Variants in MARF1 observed in about 807,000 individuals in gnomAD.
MARF1 encodes limkain-b1.
A neutral mutation model predicts 168.2 loss-of-function variants in MARF1; 24 were observed. The observed-to-expected ratio is 0.14, with a 90% CI of 0.10 to 0.20. MARF1 has a LOEUF of 0.20. Ranked by LOEUF, MARF1 falls within the 10% of genes least tolerant of loss-of-function variation. The pLI, the probability that MARF1 is intolerant of heterozygous loss-of-function variation, is 1.00. For synonymous variants in MARF1, 868 were observed against 822.4 expected (o/e 1.06, Z -0.95); for missense variants, 1,744 against 2,143.6 (o/e 0.81, Z 3.68).
chr16:15,611,077 A>G lies in MARF1; in HGVS notation c.3649T>C (p.Tyr1217His). Reference sequence around the variant, plus strand: ...ATGTCAATCAACTCACAAACACCATATTCAGTGACATCCCAGTCCTTTGAG... The same window carrying G: ...ATGTCAATCAACTCACAAACACCATGTTCAGTGACATCCCAGTCCTTTGAG... Reference protein sequence around the residue: ...CFSKDWDVTEYGVCELIDIVS... With the variant: ...CFSKDWDVTEHGVCELIDIVS... The change falls in exon 19 of 27, where the codon TAT (tyrosine) becomes CAT (histidine). Residue 1217 changes from tyrosine to histidine, a missense_variant. Physicochemically the swap from Tyr to His is moderately conservative, Grantham distance 83 (BLOSUM62 2). Transcript: ENST00000396368. 6.2e-7 allele frequency: 1 copy of G among 1,613,874 alleles called. No homozygotes were observed. Among genetic ancestry groups the G allele is most frequent in the Non-Finnish European group, 8.5e-7 (1 of 1,179,778 alleles).
intron 15 of MARF1, among the ~76,000 whole-genome samples, chr16:15,616,553 T>A (rs574113703): frequency 6.6e-6 from 1 of 152,336 alleles, no homozygotes; most frequent in African/African-American, 2.4e-5. Context: ...CTTGTTGAAG[T>A]ACTGAGTGAA....
At chr16:15,629,620 C>T (rs1035063626) in intron 7 of MARF1, among the ~76,000 whole-genome samples, 1 of 152,220 alleles carries the variant, frequency 6.6e-6, no homozygotes, top group Non-Finnish European at 1.5e-5. Context: ...TCCTGGATCA[C>T]CCACACCATG....
chr16:15,642,213 G>A (rs574065603), intron 1 of MARF1, among the ~76,000 whole-genome samples: 2 of 152,140 alleles, frequency 1.3e-5, no homozygotes, highest in African/African-American at 4.8e-5. Context: ...TCCCATTACC[G>A]TTTTCTCCCC....
chr16:15,635,673 C>G lies in MARF1; in HGVS notation c.814G>C (p.Glu272Gln). 2 of 1,613,778 alleles carry G rather than the reference C, an allele frequency of 1.2e-6. No homozygotes were observed. Among genetic ancestry groups the G allele is most frequent in the Non-Finnish European group, 1.7e-6 (2 of 1,179,890 alleles). ...ATACGAACCTTGTTTAGACAGTCTTCGCAGTAAAGTGAGCCCTTTAAACAA... is the reference window on the plus strand; with the variant it reads ...ATACGAACCTTGTTTAGACAGTCTTGGCAGTAAAGTGAGCCCTTTAAACAA... ...PVCLKGSLYCEDCLNKPARNS... is the reference protein window; with the variant it reads ...PVCLKGSLYCQDCLNKPARNS... The change falls in exon 3 of 27, where the codon GAA (glutamate) becomes CAA (glutamine). Residue 272 changes from glutamate to glutamine, a missense_variant. By Grantham distance (29) the Glu-to-Gln change is conservative. Around this residue, in one of 7 missense-constraint regions of MARF1, gnomAD observed 318 missense variants for 336.6 expected, o/e 0.94. Transcript: ENST00000396368.
chr16:15,620,305 T>C, intron 13 of MARF1, 146 bp downstream of exon 13: 1 of 474,446 alleles, frequency 2.1e-6, no homozygotes, highest in Non-Finnish European at 3.8e-6. Flanking sequence ...CTGCTAAACA[T>C]TCATTGACAT....
intron 13 of MARF1, among the ~76,000 whole-genome samples, chr16:15,620,176 A>AT (rs1475498243): frequency 1.3e-5 from 2 of 152,190 alleles, no homozygotes; most frequent in Non-Finnish European, 2.9e-5. Context: ...AAAAAAATTA[A>AT]AAAACAAACA....
At position 15,632,585 on chromosome 16, in the gene MARF1, T is replaced by C. The variant is rs545332962; in HGVS notation, c.1233+1032A>G. 4.6e-5 allele frequency among the ~76,000 whole-genome samples: 7 copies of C among 152,286 alleles called. No homozygotes were observed. In the South Asian group the frequency reaches 1.2e-3, roughly 27 times the overall value. On this transcript the variant is annotated intron_variant, in intron 5 of 26. Transcript: ENST00000396368. ...TAGAGAGAGGAGGGAGGATATCCCC[T>C]AAGGGAGCTAAAATGCATTTATTTC...
chr16:15,598,107 G>A (rs1413176228), intron 26 of MARF1, among the ~76,000 whole-genome samples: 1 of 152,188 alleles, frequency 6.6e-6, no homozygotes, highest in African/African-American at 2.4e-5. Context: ...TCTGTACAGG[G>A]CAGATGGGCC....
At chr16:15,636,983 AAAAGATCCAAGAC>A (rs1259294785) in intron 2 of MARF1, among the ~76,000 whole-genome samples, 1 of 152,232 alleles carries the variant, frequency 6.6e-6, no homozygotes, top group Non-Finnish European at 1.5e-5. Flanking sequence ...CTATCCAAGA[AAAAGATCCAAGAC>A]AAATAGTTTG....
At chr16:15,625,863 T>G in intron 7 of MARF1, 63 bp from the exon 8 acceptor site, 1 of 1,355,322 alleles carries the variant, frequency 7.4e-7, no homozygotes. Context: ...AATTTCAAAA[T>G]AAGAACAATG....
rs377296079 is a variant in MARF1 at position 15,636,165 on chromosome 16, C to T, written c.322G>A (p.Glu108Lys). The T allele has an allele frequency of 6.2e-7, 1 of 1,614,072 alleles. No individual in the cohort carries two copies. Among genetic ancestry groups the T allele is most frequent in the African/African-American group, 1.3e-5 (1 of 74,928 alleles). Residue 108 changes from glutamate (E) to lysine (K), a missense_variant, in exon 3 of 27, where the codon GAA (glutamate) becomes AAA (lysine). Coordinates refer to ENST00000396368, the MANE Select transcript of MARF1 (RefSeq NM_014647.4). ...AAACGCATTGGCGAAGTGGAGGGTT[C>T]ATTAGGGCAATGAGCACAGCAGCTT... is the stretch of plus-strand genomic sequence containing the variant. ...KVSCCAHCPNEPSTSPMRFGG... is the reference protein window; with the variant it reads ...KVSCCAHCPNKPSTSPMRFGG...
Position 15,615,818 on chromosome 16 carries a change from C to T in MARF1, c.3253+12G>A. On this transcript the variant is annotated intron_variant, in intron 16 of 26. Transcript: ENST00000396368. The stretch of plus-strand genomic sequence containing the variant: ...CAGGTGGTAGCTCCAGGACAAAATA[C>T]CTGACACCTACCAGTGTTGGGAGGC... The T allele has an allele frequency of 3.3e-6, 5 of 1,518,808 alleles. No individual in the cohort carries two copies. The highest frequency in any genetic ancestry group is 2.4e-5 in the East Asian group (1 of 41,608). 94.1% of individuals were successfully genotyped at this position (1,518,808 alleles called of 1,614,324 possible).
At chr16:15,629,713 A>G (rs111920269) in intron 7 of MARF1, among the ~76,000 whole-genome samples, 209 of 152,334 alleles carry the variant, frequency 1.4e-3, no homozygotes, top group African/African-American at 4.6e-3. Context: ...ACTGCAATAA[A>G]CATTCTTATC....
chr16:15,596,801 G>A lies in MARF1; in HGVS notation c.5121C>T (p.Ser1707=), dbSNP rs747957013. ...CGGGGTCCTTGCTGAGCAGTGACTC[G>A]GAGGTTTCCGAGGAGGGGCAGGGAG... ...PVPPCPSSET[S]ESLLSKDPVE... is the part of the protein sequence containing the mutation. The change falls in exon 27 of 27, where the codon TCC becomes TCT. Residue 1707 remains serine, a synonymous_variant. Transcript: ENST00000396368. 5.0e-6 allele frequency: 8 copies of A among 1,614,128 alleles called. No individual in the cohort carries two copies. The East Asian group carries it at 6.7e-5, about 13-fold the overall frequency.
intron 1 of MARF1, among the ~76,000 whole-genome samples, chr16:15,640,880 G>T (rs999455000): frequency 6.6e-6 from 1 of 151,976 alleles, no homozygotes; most frequent in Non-Finnish European, 1.5e-5. Context: ...TATTTACTAC[G>T]TGGCTCTTTT....
At chr16:15,619,984 C>A (rs1356148037) in intron 13 of MARF1, among the ~76,000 whole-genome samples, 5 of 152,118 alleles carry the variant, frequency 3.3e-5, no homozygotes, top group Admixed American at 3.3e-4. Context: ...GCTAATATGG[C>A]GAAACCCTGT....
intron 23 of MARF1, chr16:15,601,160 GGTA>G: frequency 2.2e-6 from 1 of 449,286 alleles, no homozygotes; most frequent in African/African-American, 2.0e-5. Flanking sequence ...CAAGCAGAGT[GGTA>G]GTAGTGGAGC....
intron 15 of MARF1, among the ~76,000 whole-genome samples, chr16:15,616,466 T>C (rs892892487): frequency 1.3e-5 from 2 of 152,350 alleles, no homozygotes; most frequent in Admixed American, 6.5e-5. Context: ...GCAGCACTTA[T>C]GATACATCTC....
At position 15,595,652 on chromosome 16, in the gene MARF1, C is replaced by T. The variant is rs933419597; in HGVS notation, c.*1041G>A. On this transcript the variant is annotated 3_prime_UTR_variant, in exon 27 of 27. Coordinates refer to ENST00000396368, the MANE Select transcript of MARF1 (RefSeq NM_014647.4). Reference sequence around the variant, plus strand: ...AAAAGATGCTGAGCTGACATACACACACATAAAGCTTCCCAGCTACCGATA... The same window carrying T: ...AAAAGATGCTGAGCTGACATACACATACATAAAGCTTCCCAGCTACCGATA... 3.9e-5 allele frequency: 6 copies of T among 152,260 alleles called. No individual in the cohort carries two copies. The highest frequency in any genetic ancestry group is 1.4e-4 in the African/African-American group (6 of 41,434). 9.4% of individuals were successfully genotyped at this position (152,260 alleles called of 1,614,324 possible). A position where few individuals can be genotyped will look rare whatever the true frequency, so the allele number is the denominator to read the frequency against.
Sources: gnomAD v4.1 joint callset for allele counts (sites outside exome capture counted in the v4.1 genomes callset) on GRCh38, gnomAD v4.1.1 for gene constraint, gnomAD v4.1.1 regional missense constraint, MANE v1.5 for transcripts, NCBI Gene and HGNC (gene_info 2026-07-23, HGNC 2026-07-21) for gene names.